The following SHANK2 variants were observed in gnomAD, a reference collection of about 807,000 sequenced individuals.
SHANK2 encodes the protein SH3 and multiple ankyrin repeat domains protein 2.
Under a neutral mutation model 133.7 loss-of-function variants are expected in SHANK2, and 43 were observed. That is an observed-to-expected ratio of 0.32 (90% CI 0.25 to 0.41). The LOEUF (loss-of-function observed/expected upper bound fraction) is 0.41, where lower values mean the gene tolerates loss of function less well. Among genes scored for constraint, SHANK2 ranks in the 10% least tolerant of loss-of-function variants. The pLI is 1.00. For synonymous variants in SHANK2, 1,017 were observed against 952.8 expected (o/e 1.07, Z -1.24); for missense variants, 1,994 against 2,235.8 (o/e 0.89, Z 2.18).
At chr11:71,152,503 C>T (rs1333120331) in intron 2 of SHANK2, among the ~76,000 whole-genome samples, 1 of 152,214 alleles carries the variant, frequency 6.6e-6, no homozygotes, top group Admixed American at 6.5e-5. Flanking sequence ...ACCAACAGCC[C>T]ACAGCAGGAA....
intron 14 of SHANK2, among the ~76,000 whole-genome samples, chr11:70,752,583 G>A (rs1052051044): frequency 6.6e-6 from 1 of 151,734 alleles, no homozygotes; most frequent in East Asian, 1.9e-4. Flanking sequence ...GCGGGCGCCT[G>A]TAGTCCCAGC....
rs2135983622 is a variant in SHANK2 at position 71,075,285 on chromosome 11, A to G, written c.913-10T>C. ...GCCCGTACCTGCAGGCCTGAAACAC[A>G]GAACCCAGGCTGTGAATCAGGAACC... On this transcript the variant is annotated splice_polypyrimidine_tract_variant and intron_variant, in intron 8 of 25. Coordinates refer to ENST00000601538, the MANE Select transcript of SHANK2 (RefSeq NM_012309.5). 1.5e-5 allele frequency: 3 copies of G among 197,664 alleles called. No homozygotes were observed. Among genetic ancestry groups the G allele is most frequent in the East Asian group, 2.3e-4 (2 of 8,626 alleles). 12.2% of individuals were successfully genotyped at this position (197,664 alleles called of 1,614,324 possible).
At chr11:71,092,306 AC>A in intron 8 of SHANK2, 115 bp downstream of exon 8, 1 of 1,166,856 alleles carries the variant, frequency 8.6e-7, no homozygotes, top group Admixed American at 2.0e-5. Context: ...GGCAGGCCAA[AC>A]AAAATACCTG....
intron 17 of SHANK2, among the ~76,000 whole-genome samples, chr11:70,585,826 TCACCCACCCACC>T (rs141259333): frequency 8.4e-6 from 1 of 119,226 alleles, no homozygotes; most frequent in African/African-American, 3.2e-5. Context: ...ATCCATTTGC[TCACCCACCCACC>T]CACCCACCCA....
At chr11:71,120,584 C>G (rs1278652967) in intron 3 of SHANK2, among the ~76,000 whole-genome samples, 1 of 152,214 alleles carries the variant, frequency 6.6e-6, no homozygotes, top group Non-Finnish European at 1.5e-5. Context: ...GCTCCTGTTT[C>G]TCCCTTCCAA....
intron 10 of SHANK2, among the ~76,000 whole-genome samples, chr11:70,905,965 C>T (rs12284124): frequency 0.029 from 4,398 of 152,186 alleles, 188 homozygotes; most frequent in African/African-American, 0.099. Flanking sequence ...GCACATGCCA[C>T]CATGCCCGGC....
intron 12 of SHANK2, among the ~76,000 whole-genome samples, chr11:70,816,917 C>T (rs1444389642): frequency 2.0e-5 from 3 of 152,152 alleles, no homozygotes; most frequent in Admixed American, 6.5e-5. Flanking sequence ...CTTTGCACCC[C>T]GGCTATGTCA....
chr11:71,065,991 GGA>G (rs2135950114), intron 9 of SHANK2, among the ~76,000 whole-genome samples: 3 of 136,684 alleles, frequency 2.2e-5, no homozygotes, highest in Admixed American at 7.3e-5. Context: ...AGTTGGGAGG[GGA>G]GTACAGAACT....
intron 10 of SHANK2, among the ~76,000 whole-genome samples, chr11:70,946,534 A>G (rs1477085837): frequency 3.3e-4 from 39 of 118,624 alleles, no homozygotes; most frequent in Middle Eastern, 0.014. Context: ...ATCCCTCTCC[A>G]CTAACCAACT....
chr11:70,510,727 G>A (rs1351807516), intron 17 of SHANK2, among the ~76,000 whole-genome samples: 3 of 152,220 alleles, frequency 2.0e-5, no homozygotes, highest in African/African-American at 7.2e-5. Flanking sequence ...CCTTGTGCGA[G>A]TCATAGCACA....
chr11:71,184,153 C>T (rs1327962215), intron 2 of SHANK2, among the ~76,000 whole-genome samples: 1 of 152,178 alleles, frequency 6.6e-6, no homozygotes, highest in Non-Finnish European at 1.5e-5. Flanking sequence ...GCACGGTTCC[C>T]AGGCACCCAC....
In SHANK2 at chr11:70,746,426, C is replaced by G. The variant is rs1555036095; in HGVS notation, c.1778-47663G>C. Among the ~76,000 whole-genome samples, 2 of 148,762 alleles carry G rather than the reference C, an allele frequency of 1.3e-5. 1 individual carries two copies. Among genetic ancestry groups the G allele is most frequent in the Non-Finnish European group, 3.0e-5 (2 of 67,150 alleles). The stretch of plus-strand genomic sequence containing the variant: ...TGCAGGGTGCCCCATGCTCACAGCC[C>G]CCATCTCCTCTCCCACCACACTCTC... On this transcript the variant is annotated intron_variant, in intron 14 of 25. Transcript: ENST00000601538.
intron 11 of SHANK2, among the ~76,000 whole-genome samples, chr11:70,843,843 T>G (rs1171650629): frequency 6.6e-6 from 1 of 152,106 alleles, no homozygotes; most frequent in Non-Finnish European, 1.5e-5. Flanking sequence ...CCCTCCCAAT[T>G]TGGTGCTCAG....
chr11:71,160,854 C>T (rs35357175), intron 2 of SHANK2, among the ~76,000 whole-genome samples: 1 of 152,192 alleles, frequency 6.6e-6, no homozygotes, highest in Admixed American at 6.5e-5. Context: ...AATGACAGTC[C>T]ACGTTGGCAG....
At chr11:70,951,063 A>G in intron 10 of SHANK2, 1 of 300,710 alleles carries the variant, frequency 3.3e-6, no homozygotes, top group East Asian at 9.6e-5. Flanking sequence ...GATTAGCCCC[A>G]TTTCAAAGAA....
rs782655624 is a variant in SHANK2 at position 70,473,090 on chromosome 11, G to C, written c.5329C>G (p.Pro1777Ala). Residue 1777 changes from proline to alanine, a missense_variant, in exon 26 of 26, where the codon CCT becomes GCT. Transcript: ENST00000601538. This position sits in a 1 kb window ranked among gnomAD's most constrained non-coding sequence, Gnocchi z 5.9. ...SILQQPISNK[P>A]FTTKPVHLWT... Reference sequence around the variant, plus strand: ...AGGTGGACAGGTTTAGTTGTAAAAGGCTTATTTGAGATTGGCTGTTGCAGT... The same window carrying C: ...AGGTGGACAGGTTTAGTTGTAAAAGCCTTATTTGAGATTGGCTGTTGCAGT... 2.5e-6 allele frequency: 4 copies of C among 1,614,118 alleles called. No individual in the cohort carries two copies. The highest frequency in any genetic ancestry group is 2.7e-5 in the African/African-American group (2 of 74,938).
rs76009100 is a variant in SHANK2 at position 70,569,845 on chromosome 11, A to T, written c.2062-66914T>A. On this transcript the variant is annotated intron_variant, in intron 17 of 25. Coordinates refer to ENST00000601538, the MANE Select transcript of SHANK2 (RefSeq NM_012309.5). The surrounding 1 kb of genome is among the most constrained non-coding windows in gnomAD (Gnocchi z 5.1). ...AGCCCGGGAAAAGGCTGAGGCCGGCACAAAGAAGCAAGGGCAGGAGGTCAG... is the reference window on the plus strand; with the variant it reads ...AGCCCGGGAAAAGGCTGAGGCCGGCTCAAAGAAGCAAGGGCAGGAGGTCAG... 0.047 allele frequency among the ~76,000 whole-genome samples: 7,123 copies of T among 152,172 alleles called. 230 individuals carry two copies. The highest frequency in any genetic ancestry group is 0.095 in the East Asian group (491 of 5,152).
intron 21 of SHANK2, among the ~76,000 whole-genome samples, chr11:70,493,173 G>T (rs75758330): frequency 2.8e-4 from 40 of 145,354 alleles, no homozygotes; most frequent in African/African-American, 2.0e-4. Flanking sequence ...TTTTTTTTTT[G>T]TTTGTTTTTG....
chr11:70,575,472 T>C (rs1207120596), intron 17 of SHANK2, among the ~76,000 whole-genome samples: 1 of 149,494 alleles, frequency 6.7e-6, no homozygotes, highest in Non-Finnish European at 1.5e-5. Context: ...TGAGCTGAGA[T>C]TGTGCCACTG....
Sources: gnomAD v4.1 joint callset for allele counts (sites outside exome capture counted in the v4.1 genomes callset) on GRCh38, gnomAD v4.1.1 for gene constraint, Gnocchi (gnomAD v3.1) non-coding constraint, MANE v1.5 for transcripts, NCBI Gene and HGNC (gene_info 2026-07-23, HGNC 2026-07-21) for gene names.